The following ENTPD4 variants were observed in gnomAD, a reference collection of about 807,000 sequenced individuals.
ENTPD4 encodes the protein Golgi UDPase.
In ENTPD4, 60 loss-of-function variants were observed where a neutral mutation model predicts 79.1. That is an observed-to-expected ratio of 0.76 (90% CI 0.62 to 0.94). The LOEUF (loss-of-function observed/expected upper bound fraction) is 0.94, where lower values mean the gene tolerates loss of function less well. Ranked by LOEUF, ENTPD4 falls within the 40% of genes least tolerant of loss-of-function variation. ENTPD4 has a pLI of 0.00. For missense variants in ENTPD4, 772 were observed against 775.1 expected (o/e 1.00, Z 0.05); for synonymous variants, 276 against 292.0 (o/e 0.95, Z 0.56).
At chr8:23,445,870 G>A (rs1800755377) in intron 4 of ENTPD4, among the ~76,000 whole-genome samples, 1 of 152,130 alleles carries the variant, frequency 6.6e-6, no homozygotes, top group African/African-American at 2.4e-5. Context: ...ATATTTCTAG[G>A]TGTCATTTAG....
intron 4 of ENTPD4, among the ~76,000 whole-genome samples, chr8:23,445,019 A>G (rs1250242027): frequency 6.6e-6 from 1 of 152,140 alleles, no homozygotes; most frequent in Non-Finnish European, 1.5e-5. Flanking sequence ...ACTGTCCACC[A>G]GACACTGCCC....
rs1397998123 is a variant in ENTPD4 at position 23,438,896 on chromosome 8, G to C, written c.1049+853C>G. Among the ~76,000 whole-genome samples the C allele has an allele frequency of 2.0e-5, 3 of 152,078 alleles. No individual in the cohort carries two copies. In the East Asian group the frequency reaches 5.8e-4, roughly 29 times the overall value. On this transcript the variant is annotated intron_variant, in intron 9 of 12. Transcript: ENST00000358689. ...CAACTTGGTCTTTTTTCAAGTTCAG[G>C]CCTTCACAGGTTTATTAAGATTACA...
chr8:23,453,717 ACTG>A (rs2117310319), intron 1 of ENTPD4, among the ~76,000 whole-genome samples: 1 of 152,312 alleles, frequency 6.6e-6, no homozygotes, highest in South Asian at 2.1e-4. Context: ...TTCTGGGGGT[ACTG>A]GGGTGACACA....
intron 8 of ENTPD4, 99 bp from the exon 9 acceptor site, chr8:23,440,014 A>C: frequency 1.0e-6 from 1 of 982,382 alleles, no homozygotes; most frequent in East Asian, 2.5e-5. Context: ...AGGGACAAAA[A>C]TGTCTGCTTC....
At chr8:23,444,091 A>G in intron 5 of ENTPD4, 138 bp from the exon 6 acceptor site, 1 of 574,192 alleles carries the variant, frequency 1.7e-6, no homozygotes, top group South Asian at 2.9e-5. Flanking sequence ...ATTTTTTTAA[A>G]AAAGAAATTC....
At position 23,431,820 on chromosome 8, in the gene ENTPD4, G is replaced by C. The variant is rs1054169732; in HGVS notation, c.*1106C>G. On this transcript the variant is annotated 3_prime_UTR_variant, in exon 13 of 13. Transcript: ENST00000358689. ...AATAAAACCGAAACTGGTGAAACTA[G>C]GAATTTCCAATTCTTTCAAAACCAC... The C allele has an allele frequency of 1.0e-6, 1 of 985,260 alleles. No homozygotes were observed. Among genetic ancestry groups the C allele is most frequent in the Admixed American group, 6.2e-5 (1 of 16,260 alleles). The allele number at this position is 985,260 out of a possible 1,614,324, so 61.0% of individuals were successfully genotyped here. A position where few individuals can be genotyped will look rare whatever the true frequency, so the allele number is the denominator to read the frequency against.
intron 1 of ENTPD4, among the ~76,000 whole-genome samples, chr8:23,456,532 C>T (rs1052419873): frequency 6.6e-6 from 1 of 152,150 alleles, no homozygotes; most frequent in Non-Finnish European, 1.5e-5. Context: ...TCCTCAAGGG[C>T]CTCAGTCACA....
chr8:23,448,729 T>C lies in ENTPD4; in HGVS notation c.206+13A>G. 1.9e-6 allele frequency: 3 copies of C among 1,611,068 alleles called. No homozygotes were observed. The highest frequency in any genetic ancestry group is 2.5e-6 in the Non-Finnish European group (3 of 1,177,518). ...GGCTTCTGGTCTAGAAAGCAAATGT[T>C]TTTATCTCTTACCTTTGAAATTTCT... is the stretch of plus-strand genomic sequence containing the variant. On this transcript the variant is annotated intron_variant, in intron 3 of 12. Coordinates refer to ENST00000358689, the MANE Select transcript of ENTPD4 (RefSeq NM_004901.5).
rs1303629138 is a variant in ENTPD4 at position 23,434,426 on chromosome 8, A to G, written c.1513T>C (p.Ser505Pro). Residue 505 changes from serine (S) to proline (P), a missense_variant, in exon 12 of 13, where the codon TCG (serine) becomes CCG (proline). Coordinates refer to ENST00000358689, the MANE Select transcript of ENTPD4 (RefSeq NM_004901.5). ...AAGCTTTTATAGTTGACAGGAAACG[A>G]AAAGCCCCTATGAAACACCTCAAAC... ...WMFEVFHRGF[S>P]FPVNYKSLKT... 2 of 1,614,220 alleles carry G rather than the reference A, an allele frequency of 1.2e-6. No homozygotes were observed. The highest frequency in any genetic ancestry group is 8.5e-7 in the Non-Finnish European group (1 of 1,180,038).
intron 1 of ENTPD4, among the ~76,000 whole-genome samples, chr8:23,451,913 T>C (rs1800869453): frequency 6.6e-6 from 1 of 152,230 alleles, no homozygotes; most frequent in East Asian, 1.9e-4. Context: ...TGATCTTTTC[T>C]CCTTAGCATT....
In ENTPD4 at chr8:23,453,481, A is replaced by C. The variant is rs144034288; in HGVS notation, c.-97-3484T>G. On this transcript the variant is annotated intron_variant, in intron 1 of 12. Transcript: ENST00000358689. The stretch of plus-strand genomic sequence containing the variant: ...AACCTTTACATAGCCAGTTATTATA[A>C]AGAAATAAGAGAAAGACTGAACAGA... 2.3e-3 allele frequency among the ~76,000 whole-genome samples: 357 copies of C among 152,376 alleles called. 3 individuals are homozygous for C. The highest frequency in any genetic ancestry group is 0.02 in the Middle Eastern group (6 of 294).
At chr8:23,447,419 G>A (rs1435401795) in intron 4 of ENTPD4, among the ~76,000 whole-genome samples, 1 of 152,182 alleles carries the variant, frequency 6.6e-6, no homozygotes, top group Admixed American at 6.5e-5. Context: ...AGCAACATCT[G>A]CGTAGATACC....
chr8:23,436,464 C>T (rs977344581), intron 10 of ENTPD4, among the ~76,000 whole-genome samples: 1 of 152,010 alleles, frequency 6.6e-6, no homozygotes, highest in Non-Finnish European at 1.5e-5. Flanking sequence ...AGGATTGGAG[C>T]CTCTTCTTGA....
rs144612940 is a variant in ENTPD4 at position 23,439,836 on chromosome 8, T to C, written c.962A>G (p.Tyr321Cys). The C allele has an allele frequency of 4.7e-5, 76 of 1,614,004 alleles. No homozygotes were observed. Among genetic ancestry groups the C allele is most frequent in the South Asian group, 1.8e-4 (16 of 91,084 alleles). The part of the protein sequence containing the change: ...VHQTEHVYRV[Y>C]VATFLGFGGN... ...ACCAAACCCAAGAAACGTGGCCACA[T>C]AGACTCGATACACATGCTCAGTTTG... The change falls in exon 9 of 13, where the codon TAT (tyrosine) becomes TGT (cysteine). Residue 321 changes from tyrosine (Y) to cysteine (C), a missense_variant. Transcript: ENST00000358689.
intron 1 of ENTPD4, among the ~76,000 whole-genome samples, chr8:23,454,562 A>G (rs1800920046): frequency 6.6e-6 from 1 of 152,236 alleles, no homozygotes; most frequent in Non-Finnish European, 1.5e-5. Flanking sequence ...GAGCACAGAG[A>G]AGGCTAGCTT....
chr8:23,432,861 A>G lies in ENTPD4; in HGVS notation c.*65T>C. 1.4e-6 allele frequency: 2 copies of G among 1,473,956 alleles called. No homozygotes were observed. The highest frequency in any genetic ancestry group is 9.0e-7 in the Non-Finnish European group (1 of 1,110,468). The allele number at this position is 1,473,956 out of a possible 1,614,324, so 91.3% of individuals were successfully genotyped here. A position where few individuals can be genotyped will look rare whatever the true frequency, so the allele number is the denominator to read the frequency against. On this transcript the variant is annotated 3_prime_UTR_variant, in exon 13 of 13. Transcript: ENST00000358689. Reference sequence around the variant, plus strand: ...GAAAAAACAAAACCACAGGAAAATAAAGAGGAGAAACCCTGAGGCAAAAAT... The same window carrying G: ...GAAAAAACAAAACCACAGGAAAATAGAGAGGAGAAACCCTGAGGCAAAAAT...
rs1800673100 is a variant in ENTPD4 at position 23,441,668 on chromosome 8, A to G, written c.783T>C (p.Ile261=). Residue 261 remains isoleucine (I), a synonymous_variant, in exon 8 of 13, where the codon ATT becomes ATC. Coordinates refer to ENST00000358689, the MANE Select transcript of ENTPD4 (RefSeq NM_004901.5). ...GAATGCCCGCTGTCCTTTTACGGAC[A>G]ATGGCTTCGCTGCTTTCACTTCCAG... The part of the protein sequence containing the change: ...NIPGSESSEA[I]VRKRTAGILD... 1 of 1,614,212 alleles carries G rather than the reference A, an allele frequency of 6.2e-7. No homozygotes were observed. The highest frequency in any genetic ancestry group is 8.5e-7 in the Non-Finnish European group (1 of 1,180,040).
At position 23,434,368 on chromosome 8, in the gene ENTPD4, A is replaced by C. The variant is rs1800517031; in HGVS notation, c.1571T>G (p.Val524Gly). 3.1e-6 allele frequency: 5 copies of C among 1,614,022 alleles called. No individual in the cohort carries two copies. Among genetic ancestry groups the C allele is most frequent in the Non-Finnish European group, 4.2e-6 (5 of 1,180,032 alleles). Residue 524 changes from valine to glycine, a missense_variant, in exon 12 of 13, where the codon GTT becomes GGT. By Grantham distance (109) the Val-to-Gly change is moderately radical. Coordinates refer to ENST00000358689, the MANE Select transcript of ENTPD4 (RefSeq NM_004901.5). ...GAGGATGGCTCCAAGGGTCCACTGA[A>C]CCTCCTTGTCGTAAACTTGCAAGGC... The part of the protein sequence containing the change: ...KTALQVYDKE[V>G]QWTLGAILYR...
In ENTPD4 at chr8:23,429,179, G is replaced by A. The variant is rs781237035; in HGVS notation, c.*3747C>T. 105 of 985,266 alleles carry A rather than the reference G, an allele frequency of 1.1e-4. No individual in the cohort carries two copies. The highest frequency in any genetic ancestry group is 2.3e-4 in the East Asian group (2 of 8,826). 61.0% of individuals were successfully genotyped at this position (985,266 alleles called of 1,614,324 possible). A position where few individuals can be genotyped will look rare whatever the true frequency, so the allele number is the denominator to read the frequency against. On this transcript the variant is annotated 3_prime_UTR_variant, in exon 13 of 13. Coordinates refer to ENST00000358689, the MANE Select transcript of ENTPD4 (RefSeq NM_004901.5). Reference sequence around the variant, plus strand: ...ACGGGCCATGGGATGATGAACTTTCGTTTTATTGATTTTTCAGTACCCAAG... The same window carrying A: ...ACGGGCCATGGGATGATGAACTTTCATTTTATTGATTTTTCAGTACCCAAG...
Sources: gnomAD v4.1 joint callset for allele counts (sites outside exome capture counted in the v4.1 genomes callset) on GRCh38, gnomAD v4.1.1 for gene constraint, MANE v1.5 for transcripts, NCBI Gene and HGNC (gene_info 2026-07-23, HGNC 2026-07-21) for gene names.